Variants in ST3GAL6 observed in about 807,000 individuals in gnomAD.
The protein encoded by ST3GAL6 is ST3 beta-galactoside alpha-2,3-sialyltransferase 6.
In ST3GAL6, 31 loss-of-function variants were observed where a neutral mutation model predicts 40.5. The ratio of observed to expected loss-of-function variants is 0.77; its 90% CI spans 0.58 to 1.03. The LOEUF (loss-of-function observed/expected upper bound fraction) is 1.03. ST3GAL6 is among the 50% of genes least tolerant of loss of function. The probability of loss-of-function intolerance (pLI) is 0.00; values close to 1 mark genes in which losing one functional copy is unlikely to be tolerated. For synonymous variants in ST3GAL6, 129 were observed against 136.9 expected, an observed-to-expected ratio of 0.94 and a Z score of 0.40; for missense variants, 357 against 393.2, an observed-to-expected ratio of 0.91 and a Z score of 0.78.
intron 1 of ST3GAL6, among the ~76,000 whole-genome samples, chr3:98,766,203 G>A (rs558290802): frequency 3.3e-5 from 5 of 152,134 alleles, no homozygotes; most frequent in African/African-American, 9.6e-5. Flanking sequence ...CACAAGTCTC[G>A]CTTACCCATA....
upstream of ST3GAL6, among the ~76,000 whole-genome samples, chr3:98,760,608 G>T (rs921301435): frequency 2.0e-5 from 3 of 152,080 alleles, no homozygotes; most frequent in South Asian, 4.1e-4. Context: ...ACTGGTATAG[G>T]TAGGGCTTTT....
chr3:98,751,801 T>G (rs1014685487), intron 1 of ST3GAL6, among the ~76,000 whole-genome samples: 5 of 152,216 alleles, frequency 3.3e-5, no homozygotes, highest in Non-Finnish European at 1.5e-5. Context: ...GGATTTACTA[T>G]AAGGTGTTAC....
intron 1 of ST3GAL6, among the ~76,000 whole-genome samples, chr3:98,742,051 C>T (rs1239855108): frequency 6.6e-6 from 1 of 152,120 alleles, no homozygotes; most frequent in Non-Finnish European, 1.5e-5. Flanking sequence ...CAGTAGAAAG[C>T]CAAGTGCTTT....
chr3:98,786,955 A>AGTGTGTGTGTGTGTGTGTGTGT (rs60592978), intron 6 of ST3GAL6, among the ~76,000 whole-genome samples: 1 of 147,370 alleles, frequency 6.8e-6, no homozygotes, highest in African/African-American at 2.5e-5. Context: ...ATCTGGGATA[A>AGTGTGTGTGTGTGTGTGTGTGT]GTGTGTGTGT....
intron 1 of ST3GAL6, among the ~76,000 whole-genome samples, chr3:98,752,336 C>T (rs1937066829): frequency 6.6e-6 from 1 of 152,114 alleles, no homozygotes; most frequent in Non-Finnish European, 1.5e-5. Context: ...TATGTACTCA[C>T]TTCTTACCAT....
chr3:98,757,220 AT>A (rs1421822196), intron 1 of ST3GAL6, among the ~76,000 whole-genome samples: 3 of 152,192 alleles, frequency 2.0e-5, no homozygotes, highest in African/African-American at 4.8e-5. Context: ...ATTCTAGCAA[AT>A]TTGTTTGGAG....
At chr3:98,785,466 A>G (rs963989920) in intron 6 of ST3GAL6, among the ~76,000 whole-genome samples, 17 of 152,232 alleles carry the variant, frequency 1.1e-4, no homozygotes, top group African/African-American at 1.9e-4. Flanking sequence ...CCACACAGCA[A>G]CAGCCATATG....
At chr3:98,760,703 G>C (rs182485010), upstream of ST3GAL6, among the ~76,000 whole-genome samples, 1 of 152,094 alleles carries the variant, frequency 6.6e-6, no homozygotes. Context: ...AAAGTTAAAC[G>C]TGTTTACCAT....
chr3:98,760,027 T>C (rs1477063101), upstream of ST3GAL6, among the ~76,000 whole-genome samples: 1 of 152,100 alleles, frequency 6.6e-6, no homozygotes, highest in African/African-American at 2.4e-5. Context: ...GTGAGGGAAA[T>C]TTTTCTCAAA....
chr3:98,750,207 G>T (rs147124478), intron 1 of ST3GAL6, among the ~76,000 whole-genome samples: 1 of 152,232 alleles, frequency 6.6e-6, no homozygotes, highest in African/African-American at 2.4e-5. Context: ...TTAGTTTTAA[G>T]TACTTTCCAA....
chr3:98,736,892 A>G (rs1453666372), intron 1 of ST3GAL6, among the ~76,000 whole-genome samples: 1 of 152,200 alleles, frequency 6.6e-6, no homozygotes, highest in Non-Finnish European at 1.5e-5. Flanking sequence ...GTTAAAGAAG[A>G]GTGCAAAAGA....
At position 98,748,845 on chromosome 3, in the gene ST3GAL6, A is replaced by G. The variant is rs142643764; in HGVS notation, c.-12+16313A>G. On this transcript the variant is annotated intron_variant, in intron 1 of 9. Transcript: ENST00000265261. The stretch of plus-strand genomic sequence containing the variant: ...AGTGTACCATTTTCATTCTCACCTC[A>G]GAATCTTTGCAAATGCTTCTTCCTC... Among the ~76,000 whole-genome samples, 13 of 152,290 alleles carry G rather than the reference A, an allele frequency of 8.5e-5. No individual in the cohort carries two copies. The East Asian group carries it at 1.7e-3, about 20-fold the overall frequency.
intron 1 of ST3GAL6, among the ~76,000 whole-genome samples, chr3:98,766,626 T>C (rs1938377375): frequency 6.6e-6 from 1 of 152,136 alleles, no homozygotes; most frequent in African/African-American, 2.4e-5. Context: ...TTTCACCATC[T>C]TGGCCAGGTT....
intron 6 of ST3GAL6, among the ~76,000 whole-genome samples, chr3:98,787,220 A>C (rs1464775136): frequency 6.6e-6 from 1 of 152,196 alleles, no homozygotes; most frequent in African/African-American, 2.4e-5. Context: ...TCTAAATCTG[A>C]TAATTTAGAG....
At chr3:98,784,435 T>G (rs1286786580) in intron 5 of ST3GAL6, 1 of 154,532 alleles carries the variant, frequency 6.5e-6, no homozygotes, top group Non-Finnish European at 1.4e-5. Context: ...AAACTGTCCA[T>G]CTCCACACTT....
intron 5 of ST3GAL6, chr3:98,783,440 G>A (rs866150401): frequency 2.3e-5 from 12 of 515,040 alleles, no homozygotes; most frequent in Middle Eastern, 9.7e-4. Flanking sequence ...GTGTCCCCTT[G>A]CCGGCAACAC....
intron 1 of ST3GAL6, among the ~76,000 whole-genome samples, chr3:98,744,653 T>G (rs1936400213): frequency 6.6e-6 from 1 of 152,234 alleles, no homozygotes; most frequent in Non-Finnish European, 1.5e-5. Context: ...CCTGGGTCTC[T>G]GCTGAAGTGT....
At chr3:98,790,830 T>C (rs1389180180) in intron 8 of ST3GAL6, among the ~76,000 whole-genome samples, 1 of 151,830 alleles carries the variant, frequency 6.6e-6, no homozygotes, top group African/African-American at 2.4e-5. Context: ...GTAGAAGACA[T>C]GAAAAGGGGC....
intron 6 of ST3GAL6, among the ~76,000 whole-genome samples, chr3:98,785,574 T>G (rs1056447878): frequency 1.8e-4 from 28 of 152,128 alleles, no homozygotes; most frequent in African/African-American, 6.7e-4. Context: ...AGAAACCCAG[T>G]GAAGCTGGAA....
Sources: allele counts gnomAD v4.1 joint callset (sites outside exome capture counted in the v4.1 genomes callset), GRCh38; gene constraint gnomAD v4.1.1; transcripts MANE v1.5; gene names NCBI Gene and HGNC (gene_info 2026-07-23, HGNC 2026-07-21).